Variants in MGAT4C observed in about 807,000 individuals in gnomAD.
The protein encoded by MGAT4C is alpha-1,3-mannosyl-glycoprotein 4-beta-N-acetylglucosaminyltransferase C.
A neutral mutation model predicts 40.1 loss-of-function variants in MGAT4C; 19 were observed. The observed-to-expected ratio is 0.47, with a 90% CI of 0.33 to 0.70. The LOEUF (loss-of-function observed/expected upper bound fraction) is 0.70. MGAT4C is among the 30% of genes least tolerant of loss of function. The pLI is 0.02. For synonymous variants in MGAT4C, 181 were observed against 187.1 expected (o/e 0.97, Z 0.27); for missense variants, 491 against 563.2 (o/e 0.87, Z 1.30).
At chr12:86,224,016 T>C (rs1231483020) in intron 1 of MGAT4C, among the ~76,000 whole-genome samples, 1 of 152,128 alleles carries the variant, frequency 6.6e-6, no homozygotes, top group African/African-American at 2.4e-5. Context: ...CTGCCACTAC[T>C]ACCAGCATTT....
intron 2 of MGAT4C, among the ~76,000 whole-genome samples, chr12:86,504,773 G>A (rs926796734): frequency 6.6e-6 from 1 of 151,946 alleles, no homozygotes; most frequent in Non-Finnish European, 1.5e-5. Flanking sequence ...TGCAACCTCC[G>A]CCTCCCGGGT....
chr12:85,974,653 C>T lies in MGAT4C; in HGVS notation c.*4636G>A, dbSNP rs926847568. On this transcript the variant is annotated 3_prime_UTR_variant, in exon 5 of 5. Coordinates refer to ENST00000611864, the MANE Select transcript of MGAT4C (RefSeq NM_001351288.2). ...GCCAAAAAGTAATAAAAGATATATCCTCTGTTTGGGATAAATAAAAAAAAA... is the reference window on the plus strand; with the variant it reads ...GCCAAAAAGTAATAAAAGATATATCTTCTGTTTGGGATAAATAAAAAAAAA... The T allele has an allele frequency of 6.7e-6, 1 of 150,042 alleles. No homozygotes were observed. Among genetic ancestry groups the T allele is most frequent in the African/African-American group, 2.4e-5 (1 of 41,090 alleles). The allele number at this position is 150,042 out of a possible 1,614,324, so 9.3% of individuals were successfully genotyped here. A position where few individuals can be genotyped will look rare whatever the true frequency, so the allele number is the denominator to read the frequency against.
At chr12:86,393,386 T>C (rs1445798703) in intron 3 of MGAT4C, among the ~76,000 whole-genome samples, 1 of 152,202 alleles carries the variant, frequency 6.6e-6, no homozygotes, top group Non-Finnish European at 1.5e-5. Context: ...TTTTTATTTC[T>C]AGCTTGGAAG....
chr12:86,187,555 A>C (rs1340574274), intron 1 of MGAT4C, among the ~76,000 whole-genome samples: 1 of 147,994 alleles, frequency 6.8e-6, no homozygotes, highest in East Asian at 1.9e-4. Context: ...AATGTCACAT[A>C]ATAATAAATC....
intron 2 of MGAT4C, among the ~76,000 whole-genome samples, chr12:86,673,839 C>A (rs1407993305): frequency 6.6e-6 from 1 of 151,814 alleles, no homozygotes; most frequent in Non-Finnish European, 1.5e-5. Flanking sequence ...AAAACATTAT[C>A]AATTAGCTAC....
chr12:86,826,411 G>A (rs1593243249), intron 1 of MGAT4C, among the ~76,000 whole-genome samples: 1 of 151,362 alleles, frequency 6.6e-6, no homozygotes, highest in East Asian at 1.9e-4. Flanking sequence ...AAAGTCTAGT[G>A]TAGGTGTTGA....
Position 86,107,265 on chromosome 12 carries a change from C to T in MGAT4C, c.-56-57542G>A, listed in dbSNP as rs117838189. 3.9e-4 allele frequency among the ~76,000 whole-genome samples: 59 copies of T among 152,120 alleles called. 1 individual carries two copies. The East Asian group carries it at 4.8e-3, about 12-fold the overall frequency. On this transcript the variant is annotated intron_variant, in intron 1 of 4. Coordinates refer to ENST00000611864, the MANE Select transcript of MGAT4C (RefSeq NM_001351288.2). The stretch of plus-strand genomic sequence containing the variant: ...TTCAAATATATTTTAAAATCAAATG[C>T]TTTGGTAACTGGGGTCAAAGGCTGA...
At chr12:86,247,541 G>A (rs1270124863) in intron 1 of MGAT4C, among the ~76,000 whole-genome samples, 2 of 152,190 alleles carry the variant, frequency 1.3e-5, no homozygotes, top group Non-Finnish European at 2.9e-5. Flanking sequence ...GTTAAATACT[G>A]TGTTAAGAAC....
chr12:86,381,215 A>G (rs946378241), intron 3 of MGAT4C, among the ~76,000 whole-genome samples: 2 of 152,218 alleles, frequency 1.3e-5, no homozygotes. Context: ...TTGACAGGAT[A>G]GATTAAAAAA....
chr12:86,652,264 A>T (rs1963717535), intron 2 of MGAT4C, among the ~76,000 whole-genome samples: 1 of 151,886 alleles, frequency 6.6e-6, no homozygotes, highest in Non-Finnish European at 1.5e-5. Context: ...CCACATGTGT[A>T]TTACCTTTCC....
At chr12:86,450,122 G>C (rs1957400750) in intron 2 of MGAT4C, among the ~76,000 whole-genome samples, 2 of 152,056 alleles carry the variant, frequency 1.3e-5, no homozygotes, top group Non-Finnish European at 2.9e-5. Context: ...AGCGTTAGTA[G>C]AAATTGCCAA....
rs529301115 is a variant in MGAT4C, at chr12:86,640,352, A to T, written c.-229+86857T>A. ...TTGATTGAATAAAGTTTAGATAGAA[A>T]TATGTCAAATTTTTAAAAGCAGAAC... On this transcript the variant is annotated intron_variant, in intron 2 of 7. Coordinates refer to the MGAT4C transcript ENST00000548651. 5.9e-5 allele frequency among the ~76,000 whole-genome samples: 9 copies of T among 151,956 alleles called. No homozygotes were observed. The South Asian group carries it at 1.9e-3, about 31-fold the overall frequency.
At chr12:86,359,880 C>T (rs562198644) in intron 3 of MGAT4C, among the ~76,000 whole-genome samples, 2 of 152,280 alleles carry the variant, frequency 1.3e-5, no homozygotes, top group South Asian at 4.1e-4. Flanking sequence ...GATGGATTCA[C>T]AGCCAAATTC....
chr12:86,226,313 G>A (rs1342271427), intron 1 of MGAT4C, among the ~76,000 whole-genome samples: 1 of 151,886 alleles, frequency 6.6e-6, no homozygotes, highest in Non-Finnish European at 1.5e-5. Flanking sequence ...GTCTTAAAAT[G>A]TGAGGTATAT....
At chr12:86,398,116 G>A (rs1306506799) in intron 3 of MGAT4C, among the ~76,000 whole-genome samples, 1 of 152,202 alleles carries the variant, frequency 6.6e-6, no homozygotes, top group Non-Finnish European at 1.5e-5. Flanking sequence ...AAATGACTGT[G>A]AACTTGGTGT....
chr12:86,611,388 A>G (rs61950836), intron 2 of MGAT4C, among the ~76,000 whole-genome samples: 48 of 148,224 alleles, frequency 3.2e-4, no homozygotes, highest in South Asian at 1.9e-3. Flanking sequence ...GGTCCCATAG[A>G]TAGGTAGGTA....
In MGAT4C at chr12:86,819,898, C is replaced by G. The variant is rs187587188; in HGVS notation, c.-262+18768G>C. Among the ~76,000 whole-genome samples the G allele has an allele frequency of 1.3e-4, 19 of 150,502 alleles. No homozygotes were observed. In the East Asian group the frequency reaches 1.8e-3, roughly 14 times the overall value. The stretch of plus-strand genomic sequence containing the variant: ...ATGCTTAATAAGAATGAGTATTTAA[C>G]AAATAAGTAAAGCTGTCCATGAAGA... On this transcript the variant is annotated intron_variant, in intron 1 of 7. Coordinates refer to the MGAT4C transcript ENST00000548651.
intron 1 of MGAT4C, among the ~76,000 whole-genome samples, chr12:86,749,630 T>C (rs954123228): frequency 6.6e-6 from 1 of 151,838 alleles, no homozygotes; most frequent in Admixed American, 6.6e-5. Context: ...CAAATCTGGC[T>C]TTTATGTTAA....
chr12:86,280,363 T>G (rs1417127289), intron 4 of MGAT4C, among the ~76,000 whole-genome samples: 1 of 151,960 alleles, frequency 6.6e-6, no homozygotes, highest in African/African-American at 2.4e-5. Context: ...TATCCTGTCA[T>G]TACAAATCTA....
Sources: allele counts gnomAD v4.1 joint callset (sites outside exome capture counted in the v4.1 genomes callset), GRCh38; gene constraint gnomAD v4.1.1; transcripts MANE v1.5; gene names NCBI Gene and HGNC (gene_info 2026-07-23, HGNC 2026-07-21).